GTPBP4: variants seen among roughly 807,000 people sequenced by gnomAD.
GTPBP4 encodes the protein GTP binding protein 4.
GTPBP4 carries 15 observed loss-of-function variants against 81.7 expected under a neutral mutation model. The observed-to-expected ratio is 0.18, with a 90% CI of 0.12 to 0.28. The LOEUF is 0.28. Among genes scored for constraint, GTPBP4 ranks in the 10% least tolerant of loss-of-function variants. The pLI is 1.00. For missense variants in GTPBP4, 847 were observed against 793.8 expected (o/e 1.07, Z -0.81); for synonymous variants, 272 against 274.6 (o/e 0.99, Z 0.09).
chr10:1,014,130 C>G, intron 14 of GTPBP4, 117 bp from the exon 15 acceptor site: 1 of 605,842 alleles, frequency 1.7e-6, no homozygotes, highest in East Asian at 3.2e-5. Context: ...ATTACAACTT[C>G]TAAAATAAGT....
chr10:1,014,300 C>T lies in GTPBP4; in HGVS notation c.1596C>T (p.Asp532=), dbSNP rs149613254. 12 of 1,605,488 alleles carry T rather than the reference C, an allele frequency of 7.5e-6. No individual in the cohort carries two copies. The highest frequency in any genetic ancestry group is 1.7e-5 in the Admixed American group (1 of 59,890). The change falls in exon 15 of 17, where the codon GAC becomes GAT. Residue 532 remains aspartate, a synonymous_variant. Coordinates refer to ENST00000360803, the MANE Select transcript of GTPBP4 (RefSeq NM_012341.3). The part of the protein sequence containing the change: ...KEMRSLGVDM[D]DKDDAHYAVQ... ...TGCGTAGTCTTGGTGTTGACATGGA[C>T]GATAAAGACGATGTGAGTGTGGGGG... is the stretch of plus-strand genomic sequence containing the variant.
At chr10:989,223 T>A (rs1831399457) in intron 1 of GTPBP4, among the ~76,000 whole-genome samples, 1 of 149,372 alleles carries the variant, frequency 6.7e-6, no homozygotes, top group African/African-American at 2.5e-5. Flanking sequence ...CAAGCGATTC[T>A]CCTGCTTCAG....
Position 1,019,645 on chromosome 10 carries a change from C to G in GTPBP4, c.*2418C>G. 6.2e-7 allele frequency: 1 copy of G among 1,614,056 alleles called. No homozygotes were observed. The highest frequency in any genetic ancestry group is 8.5e-7 in the Non-Finnish European group (1 of 1,180,022). ...GTGACTTTGACTTCACCCCTCGCCT[C>G]CCTCTCCAGCAGCTCCCACAGCTCC... On this transcript the variant is annotated 3_prime_UTR_variant, in exon 17 of 17. Transcript: ENST00000360803.
Position 1,015,464 on chromosome 10 carries a change from G to A in GTPBP4, c.1609-289G>A, listed in dbSNP as rs7900636. Among the ~76,000 whole-genome samples, 223 of 46,572 alleles carry A rather than the reference G, an allele frequency of 4.8e-3. 16 individuals carry two copies. Among genetic ancestry groups the A allele is most frequent in the African/African-American group, 0.024 (180 of 7,612 alleles). 30.6% of individuals were successfully genotyped at this position (46,572 alleles called of 152,430 possible). A position where few individuals can be genotyped will look rare whatever the true frequency, so the allele number is the denominator to read the frequency against. ...TCCTGAGCGCTGAGCCTGGGAGTGG[G>A]GCTGGGGTCCTGAGCGCTGAGCCTG... On this transcript the variant is annotated intron_variant, in intron 15 of 16. Transcript: ENST00000360803.
rs1589035582 is a variant in GTPBP4 at position 1,019,682 on chromosome 10, G to A, written c.*2455G>A. 4 of 1,614,032 alleles carry A rather than the reference G, an allele frequency of 2.5e-6. No homozygotes were observed. Among genetic ancestry groups the A allele is most frequent in the Non-Finnish European group, 3.4e-6 (4 of 1,180,012 alleles). ...GCTCCCACAGCTCCTCCTGGGACAGGTAGAGGATGCTTTTCGTTTCACTGG... is the reference window on the plus strand; with the variant it reads ...GCTCCCACAGCTCCTCCTGGGACAGATAGAGGATGCTTTTCGTTTCACTGG... On this transcript the variant is annotated 3_prime_UTR_variant, in exon 17 of 17. Transcript: ENST00000360803.
chr10:1,004,555 C>A (rs1831691843), intron 8 of GTPBP4, among the ~76,000 whole-genome samples: 1 of 152,126 alleles, frequency 6.6e-6, no homozygotes, highest in Admixed American at 6.5e-5. Context: ...ATACAAGGTA[C>A]CTCTTCAGCA....
In GTPBP4 at chr10:1,014,319, G is replaced by A; in HGVS notation, c.1608+7G>A. On this transcript the variant is annotated splice_region_variant and intron_variant, in intron 15 of 16. Transcript: ENST00000360803. Reference sequence around the variant, plus strand: ...CATGGACGATAAAGACGATGTGAGTGTGGGGGCGGTTCATGTGTTTATGTG... The same window carrying A: ...CATGGACGATAAAGACGATGTGAGTATGGGGGCGGTTCATGTGTTTATGTG... 1 of 1,598,216 alleles carries A rather than the reference G, an allele frequency of 6.3e-7. No homozygotes were observed. The highest frequency in any genetic ancestry group is 8.6e-7 in the Non-Finnish European group (1 of 1,165,874).
At chr10:991,673 A>G (rs1384802775) in intron 1 of GTPBP4, among the ~76,000 whole-genome samples, 1 of 144,712 alleles carries the variant, frequency 6.9e-6, no homozygotes, top group Non-Finnish European at 1.5e-5. Flanking sequence ...TCAAGAAAGT[A>G]TGGTGTAAAA....
chr10:994,214 A>G (rs1486158564), intron 2 of GTPBP4, among the ~76,000 whole-genome samples: 2 of 152,168 alleles, frequency 1.3e-5, no homozygotes, highest in Admixed American at 6.5e-5. Flanking sequence ...GTCAGGTACT[A>G]GAGAGTACCT....
chr10:997,122 C>A (rs2132159024), intron 4 of GTPBP4, 86 bp from the exon 5 acceptor site: 1 of 829,610 alleles, frequency 1.2e-6, no homozygotes, highest in Non-Finnish European at 2.1e-6. Flanking sequence ...TCACCATAGG[C>A]CTGGACTGTA....
intron 5 of GTPBP4, among the ~76,000 whole-genome samples, chr10:997,983 A>C (rs1831562888): frequency 6.6e-6 from 1 of 152,206 alleles, no homozygotes; most frequent in African/African-American, 2.4e-5. Context: ...CAACATTTAA[A>C]ATGTGAATTT....
Position 1,008,525 on chromosome 10 carries a change from A to G in GTPBP4, c.1114-433A>G, listed in dbSNP as rs539376303. 7 of 291,052 alleles carry G rather than the reference A, an allele frequency of 2.4e-5. No homozygotes were observed. In the East Asian group the frequency reaches 2.9e-4, roughly 12 times the overall value. 18.0% of individuals were successfully genotyped at this position (291,052 alleles called of 1,614,324 possible). The stretch of plus-strand genomic sequence containing the variant: ...TTGCACTCCGTTTCAAGTGGTCGGC[A>G]TTTCTGACCTGAGTATTGGAAATTT... On this transcript the variant is annotated intron_variant, in intron 10 of 16. Coordinates refer to ENST00000360803, the MANE Select transcript of GTPBP4 (RefSeq NM_012341.3).
At chr10:995,651 A>G (rs1028717977) in intron 2 of GTPBP4, among the ~76,000 whole-genome samples, 2 of 152,202 alleles carry the variant, frequency 1.3e-5, no homozygotes, top group Non-Finnish European at 2.9e-5. Flanking sequence ...AGCAACAGGA[A>G]GGGTACATGC....
At chr10:1,010,869 C>T (rs570556280) in intron 13 of GTPBP4, among the ~76,000 whole-genome samples, 18 of 147,980 alleles carry the variant, frequency 1.2e-4, no homozygotes, top group African/African-American at 4.1e-4. Context: ...TGGGCCCCTT[C>T]ATTCTCCTGC....
At position 995,988 on chromosome 10, in the gene GTPBP4, G is replaced by A. The variant is rs1444171598; in HGVS notation, c.279G>A (p.Lys93=). ...MNILYDKDHY[K]LALGQINIAK... is the part of the protein sequence containing the mutation. ...TTCTCTACGACAAGGATCATTACAAGTTGGCTCTGGGGCAAATAAATATTG... is the reference window on the plus strand; with the variant it reads ...TTCTCTACGACAAGGATCATTACAAATTGGCTCTGGGGCAAATAAATATTG... The change falls in exon 3 of 17, where the codon AAG becomes AAA. Residue 93 remains lysine, a synonymous_variant. Transcript: ENST00000360803. The A allele has an allele frequency of 3.7e-6, 6 of 1,611,996 alleles. No individual in the cohort carries two copies. The highest frequency in any genetic ancestry group is 2.7e-5 in the African/African-American group (2 of 74,902).
At position 1,018,035 on chromosome 10, in the gene GTPBP4, A is replaced by C. The variant is rs557960311; in HGVS notation, c.*808A>C. ...AAAGACACACAGGGGTCCAAGAGCC[A>C]CCACGGATAAGTTATCAAGTCACAC... On this transcript the variant is annotated 3_prime_UTR_variant, in exon 17 of 17. Transcript: ENST00000360803. 6.6e-6 allele frequency: 1 copy of C among 152,238 alleles called. No individual in the cohort carries two copies. Among genetic ancestry groups the C allele is most frequent in the African/African-American group, 2.4e-5 (1 of 41,444 alleles). The allele number at this position is 152,238 out of a possible 1,614,324, so 9.4% of individuals were successfully genotyped here. A position where few individuals can be genotyped will look rare whatever the true frequency, so the allele number is the denominator to read the frequency against.
At chr10:1,006,777 G>C (rs1831745405) in intron 9 of GTPBP4, among the ~76,000 whole-genome samples, 1 of 152,218 alleles carries the variant, frequency 6.6e-6, no homozygotes, top group Admixed American at 6.5e-5. Context: ...GTTCGTGAAG[G>C]GCAGTTGGAG....
intron 8 of GTPBP4, among the ~76,000 whole-genome samples, 196 bp downstream of exon 8, chr10:1,001,209 A>G (rs545688587): frequency 1.3e-4 from 20 of 152,348 alleles, no homozygotes; most frequent in Admixed American, 6.5e-4. Flanking sequence ...CGAAAACATA[A>G]GTTTCTGGAT....
In GTPBP4 at chr10:1,019,685, G is replaced by T; in HGVS notation, c.*2458G>T. ...CCCACAGCTCCTCCTGGGACAGGTAGAGGATGCTTTTCGTTTCACTGGGAT... is the reference window on the plus strand; with the variant it reads ...CCCACAGCTCCTCCTGGGACAGGTATAGGATGCTTTTCGTTTCACTGGGAT... On this transcript the variant is annotated 3_prime_UTR_variant, in exon 17 of 17. Transcript: ENST00000360803. 6.2e-7 allele frequency: 1 copy of T among 1,614,070 alleles called. No homozygotes were observed. Among genetic ancestry groups the T allele is most frequent in the Non-Finnish European group, 8.5e-7 (1 of 1,180,030 alleles).
Sources: gnomAD v4.1 joint callset for allele counts (sites outside exome capture counted in the v4.1 genomes callset) on GRCh38, gnomAD v4.1.1 for gene constraint, MANE v1.5 for transcripts, NCBI Gene and HGNC (gene_info 2026-07-23, HGNC 2026-07-21) for gene names.